The following THRB variants were observed in gnomAD, a reference collection of about 807,000 sequenced individuals.
THRB encodes thyroid hormone receptor beta, also known as nuclear receptor subfamily 1 group A member 2.
In THRB, 12 loss-of-function variants were observed where a neutral mutation model predicts 47.8. That is an observed-to-expected ratio of 0.25 (90% CI 0.16 to 0.41). The LOEUF (loss-of-function observed/expected upper bound fraction) is 0.41. THRB is among the 10% of genes least tolerant of loss of function. The probability of loss-of-function intolerance (pLI) is 1.00; values close to 1 mark genes in which losing one functional copy is unlikely to be tolerated. For synonymous variants in THRB, 218 were observed against 212.2 expected, an observed-to-expected ratio of 1.03 and a Z score of -0.24; for missense variants, 348 against 589.2, an observed-to-expected ratio of 0.59 and a Z score of 4.24.
intron 1 of THRB, among the ~76,000 whole-genome samples, chr3:24,410,865 T>G (rs1196960533): frequency 6.6e-6 from 1 of 151,894 alleles, no homozygotes; most frequent in Non-Finnish European, 1.5e-5. Flanking sequence ...ATGTTGGCTA[T>G]AAAGGGAGCT....
chr3:24,175,912 T>C (rs956557453), intron 5 of THRB, among the ~76,000 whole-genome samples: 4 of 152,152 alleles, frequency 2.6e-5, no homozygotes, highest in African/African-American at 4.8e-5. Flanking sequence ...AAGGTTAGTA[T>C]TGAAATTTAG....
At chr3:24,405,990 ATG>A (rs1210964476) in intron 1 of THRB, among the ~76,000 whole-genome samples, 2 of 151,560 alleles carry the variant, frequency 1.3e-5, no homozygotes, top group Non-Finnish European at 3.0e-5. Flanking sequence ...CTAATGTGAT[ATG>A]TGTTTTTTGT....
chr3:24,216,048 G>A (rs1330701962), intron 4 of THRB, among the ~76,000 whole-genome samples: 3 of 152,152 alleles, frequency 2.0e-5, no homozygotes, highest in African/African-American at 7.2e-5. Flanking sequence ...GCATTATTTT[G>A]CTAATAGACG....
intron 5 of THRB, among the ~76,000 whole-genome samples, chr3:24,182,245 A>G (rs928059451): frequency 4.6e-5 from 7 of 152,010 alleles, no homozygotes; most frequent in Non-Finnish European, 5.9e-5. Context: ...AAGAAAGACC[A>G]CAATGGAAGG....
chr3:24,165,190 C>A (rs1376664136), intron 5 of THRB: 1 of 765,052 alleles, frequency 1.3e-6, no homozygotes, highest in African/African-American at 1.7e-5. Context: ...GATTCACTGC[C>A]CAGGCCTGTT....
In THRB at chr3:24,118,579, T is replaced by G. The variant is rs1559373491; in HGVS notation, c.*4305A>C. The G allele has an allele frequency of 1.3e-5, 2 of 152,634 alleles. No homozygotes were observed. The highest frequency in any genetic ancestry group is 1.5e-5 in the Non-Finnish European group (1 of 68,040). The allele number at this position is 152,634 out of a possible 1,614,324, so 9.5% of individuals were successfully genotyped here. A position where few individuals can be genotyped will look rare whatever the true frequency, so the allele number is the denominator to read the frequency against. On this transcript the variant is annotated 3_prime_UTR_variant, in exon 11 of 11. Transcript: ENST00000646209. Reference sequence around the variant, plus strand: ...ATGGAGAACTAATTTGGCTCTATGGTCAAATTAAAAATGCCAAGTTAATAA... The same window carrying G: ...ATGGAGAACTAATTTGGCTCTATGGGCAAATTAAAAATGCCAAGTTAATAA...
intron 1 of THRB, among the ~76,000 whole-genome samples, chr3:24,477,727 G>C (rs1287656892): frequency 1.3e-5 from 2 of 151,936 alleles, no homozygotes; most frequent in Admixed American, 6.6e-5. Context: ...GGCAGCAAAA[G>C]AAGGCAACAT....
chr3:24,381,603 A>G (rs2065718357), intron 1 of THRB, among the ~76,000 whole-genome samples: 1 of 152,224 alleles, frequency 6.6e-6, no homozygotes, highest in South Asian at 2.1e-4. Flanking sequence ...AATAATTTGA[A>G]TCCAAGAGTT....
chr3:24,198,287 A>G (rs1256996996), intron 4 of THRB, among the ~76,000 whole-genome samples: 1 of 152,204 alleles, frequency 6.6e-6, no homozygotes, highest in Non-Finnish European at 1.5e-5. Context: ...GAAATCTGCT[A>G]TTACTACATT....
intron 1 of THRB, among the ~76,000 whole-genome samples, chr3:24,394,945 G>A (rs993776473): frequency 3.3e-5 from 5 of 152,134 alleles, no homozygotes; most frequent in Non-Finnish European, 7.4e-5. Flanking sequence ...CTGGCAGAGA[G>A]CAGAAGGAAG....
chr3:24,133,022 A>G (rs1288491374), intron 9 of THRB, among the ~76,000 whole-genome samples: 2 of 152,248 alleles, frequency 1.3e-5, no homozygotes, highest in Non-Finnish European at 2.9e-5. Context: ...TAACTAGGAC[A>G]GCATAGGTGC....
At chr3:24,493,952 T>C (rs908344337) in intron 1 of THRB, 2 of 152,162 alleles carry the variant, frequency 1.3e-5, no homozygotes, top group African/African-American at 2.4e-5. Context: ...GGTCACACAG[T>C]TGGCACAATT....
chr3:24,386,383 T>C (rs2066105057), intron 1 of THRB, among the ~76,000 whole-genome samples: 1 of 152,144 alleles, frequency 6.6e-6, no homozygotes, highest in Non-Finnish European at 1.5e-5. Context: ...TGTCTACCCT[T>C]CACAGCCAGA....
At chr3:24,270,745 G>C (rs1303864777) in intron 3 of THRB, among the ~76,000 whole-genome samples, 1 of 152,212 alleles carries the variant, frequency 6.6e-6, no homozygotes, top group Non-Finnish European at 1.5e-5. Flanking sequence ...CAATCAGCCA[G>C]GGGCTCTTGG....
intron 4 of THRB, among the ~76,000 whole-genome samples, chr3:24,209,716 C>T (rs1192209979): frequency 6.6e-6 from 1 of 152,012 alleles, no homozygotes; most frequent in East Asian, 1.9e-4. Flanking sequence ...AGGAGATATA[C>T]CTAATGTAAA....
At chr3:24,449,643 A>C (rs2072447349) in intron 1 of THRB, among the ~76,000 whole-genome samples, 1 of 152,232 alleles carries the variant, frequency 6.6e-6, no homozygotes, top group South Asian at 2.1e-4. Context: ...TGGTTTAGGG[A>C]TATGAGGGAA....
intron 4 of THRB, among the ~76,000 whole-genome samples, chr3:24,210,483 T>A (rs1417206815): frequency 6.6e-6 from 1 of 150,882 alleles, no homozygotes; most frequent in Non-Finnish European, 1.5e-5. Flanking sequence ...CAACTTGGAG[T>A]GTGTGTGTTA....
intron 10 of THRB, 33 bp downstream of exon 10, chr3:24,127,466 T>C (rs1559400002): frequency 6.2e-7 from 1 of 1,613,608 alleles, no homozygotes; most frequent in Non-Finnish European, 8.5e-7. Context: ...AAAAGCTCTT[T>C]GGATGCCCAC....
rs1052698321 is a variant in THRB, at chr3:24,337,875, A to C, written c.-260-504T>G. Reference sequence around the variant, plus strand: ...CGATGGGTTCCTCATCAGGGTATGAATGTAAGCATGAAGCCATGGAGCTGT... The same window carrying C: ...CGATGGGTTCCTCATCAGGGTATGACTGTAAGCATGAAGCCATGGAGCTGT... On this transcript the variant is annotated intron_variant, in intron 1 of 10. Transcript: ENST00000646209. 7.9e-5 allele frequency among the ~76,000 whole-genome samples: 12 copies of C among 152,302 alleles called. 1 individual carries two copies. The East Asian group carries it at 2.3e-3, about 29-fold the overall frequency.
Sources: allele counts gnomAD v4.1 joint callset (sites outside exome capture counted in the v4.1 genomes callset), GRCh38; gene constraint gnomAD v4.1.1; transcripts MANE v1.5; gene names NCBI Gene and HGNC (gene_info 2026-07-23, HGNC 2026-07-21).